The following STXBP4 variants were observed in gnomAD, a reference collection of about 807,000 sequenced individuals.
STXBP4 encodes the protein syntaxin binding protein 4, also known as syntaxin-binding protein 4.
STXBP4 carries 55 observed loss-of-function variants against 76.1 expected under a neutral mutation model. The observed-to-expected ratio is 0.72, with a 90% CI of 0.58 to 0.91. The LOEUF (loss-of-function observed/expected upper bound fraction) is 0.91. Ranked by LOEUF, STXBP4 falls within the 40% of genes least tolerant of loss-of-function variation. The pLI is 0.00. For missense variants in STXBP4, 618 were observed against 636.9 expected, an observed-to-expected ratio of 0.97 and a Z score of 0.32; for synonymous variants, 201 against 220.2, an observed-to-expected ratio of 0.91 and a Z score of 0.77.
At chr17:55,040,875 TAAC>T (rs1485021093) in intron 10 of STXBP4, among the ~76,000 whole-genome samples, 3 of 152,160 alleles carry the variant, frequency 2.0e-5, no homozygotes, top group South Asian at 2.1e-4. Flanking sequence ...TGCTGTTAAA[TAAC>T]AACAATTCAT....
chr17:54,973,998 CTGAT>C (rs1412048760), intron 1 of STXBP4, among the ~76,000 whole-genome samples: 29 of 152,172 alleles, frequency 1.9e-4, no homozygotes, highest in African/African-American at 6.7e-4. Context: ...GTTTTCTTAT[CTGAT>C]TATTGATTTT....
At chr17:55,044,236 A>G (rs952841896) in intron 11 of STXBP4, 4 of 152,042 alleles carry the variant, frequency 2.6e-5, no homozygotes, top group Non-Finnish European at 4.4e-5. Flanking sequence ...ATAGAAAGCT[A>G]TATTTTCCAA....
intron 17 of STXBP4, among the ~76,000 whole-genome samples, chr17:55,152,329 C>T (rs1391835247): frequency 2.6e-5 from 4 of 152,170 alleles, no homozygotes; most frequent in African/African-American, 7.2e-5. Context: ...TTTGTTGCTA[C>T]ATGATGTAAA....
At chr17:55,208,740 A>G in the STXBP4 span, among the ~76,000 whole-genome samples, 2,389 of 152,168 alleles carry the variant, frequency 0.016, 73 homozygotes, top group African/African-American at 0.055. Flanking sequence ...AATAAAACAG[A>G]CCTGCAGGGA....
chr17:55,114,459 G>T (rs1007658939), intron 16 of STXBP4, among the ~76,000 whole-genome samples: 2 of 152,028 alleles, frequency 1.3e-5, no homozygotes, highest in Non-Finnish European at 2.9e-5. Context: ...ACCATACAGT[G>T]ATAATCAAAT....
At chr17:54,984,758 G>A (rs933200320) in intron 1 of STXBP4, among the ~76,000 whole-genome samples, 1 of 152,054 alleles carries the variant, frequency 6.6e-6, no homozygotes, top group Non-Finnish European at 1.5e-5. Context: ...GCTTTTCAGA[G>A]GATATCAGCT....
intron 12 of STXBP4, among the ~76,000 whole-genome samples, chr17:55,049,277 T>C (rs1019987882): frequency 1.3e-5 from 2 of 151,894 alleles, no homozygotes; most frequent in African/African-American, 4.8e-5. Context: ...AACTAAAAAA[T>C]GCCTAAAATA....
intron 8 of STXBP4, among the ~76,000 whole-genome samples, chr17:55,011,282 A>G (rs1287501008): frequency 1.3e-5 from 2 of 151,832 alleles, no homozygotes; most frequent in African/African-American, 4.8e-5. Flanking sequence ...TTAATCATGT[A>G]CAAGAATGTA....
chr17:55,095,584 C>T (rs552178328), intron 16 of STXBP4, among the ~76,000 whole-genome samples: 47 of 152,274 alleles, frequency 3.1e-4, no homozygotes, highest in African/African-American at 8.4e-4. Flanking sequence ...TCCAGAAGTT[C>T]AGTTCCTGCC....
the STXBP4 span, among the ~76,000 whole-genome samples, chr17:55,186,089 C>T: frequency 3.3e-5 from 5 of 152,216 alleles, no homozygotes; most frequent in African/African-American, 1.2e-4. Context: ...CTCTGTGAAA[C>T]AGAGCTTTTA....
Position 55,172,042 on chromosome 17 carries a change from C to G in STXBP4, c.*12131C>G, listed in dbSNP as rs2080409419. On this transcript the variant is annotated 3_prime_UTR_variant, in exon 18 of 18. Coordinates refer to ENST00000376352, the MANE Select transcript of STXBP4 (RefSeq NM_178509.6). Reference sequence around the variant, plus strand: ...TTCTTTGTAGATGTGAGTTATTGCCCTATTGAGATCAGAAGTCCTCTCACT... The same window carrying G: ...TTCTTTGTAGATGTGAGTTATTGCCGTATTGAGATCAGAAGTCCTCTCACT... The G allele has an allele frequency of 6.6e-6, 1 of 152,194 alleles. No homozygotes were observed. The highest frequency in any genetic ancestry group is 1.5e-5 in the Non-Finnish European group (1 of 68,052). The allele number at this position is 152,194 out of a possible 1,614,324, so 9.4% of individuals were successfully genotyped here.
intron 16 of STXBP4, among the ~76,000 whole-genome samples, chr17:55,128,341 G>A (rs1363119000): frequency 6.6e-6 from 1 of 152,182 alleles, no homozygotes; most frequent in East Asian, 1.9e-4. Context: ...TGCTGAGAGT[G>A]TTCAGGAAGT....
chr17:55,081,699 A>G (rs966484865), intron 16 of STXBP4, among the ~76,000 whole-genome samples: 4 of 152,158 alleles, frequency 2.6e-5, no homozygotes, highest in African/African-American at 9.7e-5. Context: ...AATGGCTTGG[A>G]ATAGCTGAAC....
At chr17:54,997,914 T>C (rs1031219246) in intron 4 of STXBP4, among the ~76,000 whole-genome samples, 2 of 151,892 alleles carry the variant, frequency 1.3e-5, no homozygotes, top group African/African-American at 2.4e-5. Flanking sequence ...TTAAGTTGAC[T>C]CTTTTGGCTT....
intron 16 of STXBP4, among the ~76,000 whole-genome samples, chr17:55,121,697 C>T (rs891706221): frequency 6.6e-6 from 1 of 152,044 alleles, no homozygotes; most frequent in Non-Finnish European, 1.5e-5. Flanking sequence ...GACAGTTGCC[C>T]TCTCAGGGGT....
intron 6 of STXBP4, among the ~76,000 whole-genome samples, 171 bp downstream of exon 6, chr17:55,000,013 A>G (rs2077881884): frequency 1.3e-5 from 2 of 152,222 alleles, no homozygotes; most frequent in Non-Finnish European, 2.9e-5. Flanking sequence ...TTCAATAAAC[A>G]TATTTTAAGT....
intron 15 of STXBP4, among the ~76,000 whole-genome samples, chr17:55,080,505 G>A (rs568507713): frequency 6.6e-6 from 1 of 151,756 alleles, no homozygotes; most frequent in East Asian, 1.9e-4. Flanking sequence ...TTTTTAATTA[G>A]ATCAGAATGC....
At chr17:55,176,089 A>G (rs114457966), downstream of STXBP4, among the ~76,000 whole-genome samples, 3,018 of 152,204 alleles carry the variant, frequency 0.02, 112 homozygotes, top group African/African-American at 0.068. Flanking sequence ...CAAACCATTC[A>G]TTTTTTGATG....
intron 3 of STXBP4, among the ~76,000 whole-genome samples, chr17:54,989,734 A>G (rs911536725): frequency 1.3e-5 from 2 of 152,194 alleles, no homozygotes; most frequent in African/African-American, 4.8e-5. Context: ...TGACCAGTAA[A>G]AGTCTCTGGT....
Sources: gnomAD v4.1 joint callset for allele counts (sites outside exome capture counted in the v4.1 genomes callset) on GRCh38, gnomAD v4.1.1 for gene constraint, MANE v1.5 for transcripts, NCBI Gene and HGNC (gene_info 2026-07-23, HGNC 2026-07-21) for gene names.